Variants in HDAC9 observed in about 807,000 individuals in gnomAD.
HDAC9 encodes histone deacetylase 9.
A neutral mutation model predicts 139.4 loss-of-function variants in HDAC9; 41 were observed. The observed-to-expected ratio is 0.29, with a 90% CI of 0.23 to 0.38. HDAC9 has a LOEUF of 0.38. Among genes scored for constraint, HDAC9 ranks in the 10% least tolerant of loss-of-function variants. The probability of loss-of-function intolerance (pLI) is 1.00; values close to 1 mark genes in which losing one functional copy is unlikely to be tolerated. For missense variants in HDAC9, 1,147 were observed against 1,297.0 expected (o/e 0.88, Z 1.78); for synonymous variants, 517 against 476.2 (o/e 1.09, Z -1.12).
chr7:18,660,873 T>A (rs776418834), intron 11 of HDAC9, among the ~76,000 whole-genome samples: 5 of 152,120 alleles, frequency 3.3e-5, no homozygotes, highest in Non-Finnish European at 5.9e-5. Context: ...AAGTTGGTGG[T>A]GCCAGGTTGT....
At chr7:18,321,741 A>G (rs1284552490) in intron 1 of HDAC9, among the ~76,000 whole-genome samples, 1 of 152,112 alleles carries the variant, frequency 6.6e-6, no homozygotes, top group African/African-American at 2.4e-5. Context: ...CCAAGTTCCA[A>G]TCAAATTGTA....
chr7:18,171,412 C>A (rs1038380483), intron 2 of HDAC9, among the ~76,000 whole-genome samples: 1 of 152,192 alleles, frequency 6.6e-6, no homozygotes, highest in Non-Finnish European at 1.5e-5. Flanking sequence ...TTGACTTCCT[C>A]TTTTCCTAAT....
chr7:18,549,951 T>G (rs1414770200), intron 2 of HDAC9, among the ~76,000 whole-genome samples: 1 of 151,988 alleles, frequency 6.6e-6, no homozygotes, highest in Admixed American at 6.6e-5. Context: ...AGTTCTTTTT[T>G]TTTTGTAGGA....
chr7:18,763,338 A>C (rs776141957), intron 15 of HDAC9, among the ~76,000 whole-genome samples: 1 of 152,368 alleles, frequency 6.6e-6, no homozygotes, highest in Non-Finnish European at 1.5e-5. Context: ...AAGTGCAGGC[A>C]TATGAGTGAG....
intron 1 of HDAC9, among the ~76,000 whole-genome samples, chr7:18,349,786 G>A (rs73074262): frequency 5.7e-4 from 86 of 152,058 alleles, no homozygotes; most frequent in Middle Eastern, 6.8e-3. Flanking sequence ...GTCTTTCTAT[G>A]TAGAATATTT....
chr7:18,131,755 C>G (rs1427604032), intron 1 of HDAC9, among the ~76,000 whole-genome samples: 1 of 152,010 alleles, frequency 6.6e-6, no homozygotes, highest in Non-Finnish European at 1.5e-5. Flanking sequence ...TCAGTGCTAG[C>G]AAAGGGTTTT....
At chr7:18,471,115 G>C (rs1057347720) in intron 1 of HDAC9, among the ~76,000 whole-genome samples, 3 of 151,920 alleles carry the variant, frequency 2.0e-5, no homozygotes, top group Non-Finnish European at 4.4e-5. Context: ...TTTCTGTTGA[G>C]TTAAAGTTCA....
chr7:18,691,333 T>A (rs1782657180), intron 12 of HDAC9, among the ~76,000 whole-genome samples: 1 of 152,084 alleles, frequency 6.6e-6, no homozygotes, highest in African/African-American at 2.4e-5. Context: ...TCCAGAAGTT[T>A]AAATATGTTT....
intron 2 of HDAC9, among the ~76,000 whole-genome samples, chr7:18,194,938 TTGTGTGTGTG>T (rs112692661): frequency 1.3e-5 from 2 of 148,758 alleles, no homozygotes; most frequent in African/African-American, 2.5e-5. Flanking sequence ...CTTTATAGTT[TTGTGTGTGTG>T]TGTGTGTGTG....
At chr7:18,845,865 G>A (rs566105557) in intron 21 of HDAC9, among the ~76,000 whole-genome samples, 2 of 152,126 alleles carry the variant, frequency 1.3e-5, no homozygotes, top group Admixed American at 6.6e-5. Context: ...CTGTGGGTGC[G>A]CATCTGCTCT....
chr7:18,360,499 G>A (rs181115850), intron 1 of HDAC9, among the ~76,000 whole-genome samples: 5 of 152,000 alleles, frequency 3.3e-5, no homozygotes, highest in Admixed American at 2.6e-4. Context: ...ATTTCCAGAG[G>A]CCTCTCCATT....
At chr7:18,571,313 G>C (rs993836832) in intron 2 of HDAC9, among the ~76,000 whole-genome samples, 3 of 152,156 alleles carry the variant, frequency 2.0e-5, no homozygotes, top group Non-Finnish European at 2.9e-5. Flanking sequence ...CCTGTGATTT[G>C]AATTTGGCAA....
intron 12 of HDAC9, among the ~76,000 whole-genome samples, chr7:18,672,455 A>G (rs192434319): frequency 6.6e-6 from 1 of 151,898 alleles, no homozygotes; most frequent in Non-Finnish European, 1.5e-5. Context: ...TGTGTAGTAG[A>G]CCTTTATCGG....
intron 22 of HDAC9, chr7:18,892,008 C>T (rs1356546425): frequency 1.3e-5 from 2 of 152,100 alleles, no homozygotes; most frequent in African/African-American, 4.8e-5. Context: ...ACCAAAGGCA[C>T]AATTACCACT....
chr7:18,195,456 C>T (rs1790657225), intron 2 of HDAC9, among the ~76,000 whole-genome samples: 1 of 152,118 alleles, frequency 6.6e-6, no homozygotes, highest in Non-Finnish European at 1.5e-5. Flanking sequence ...TAAATAAAAA[C>T]ATGAAATAGC....
At chr7:18,347,995 G>A (rs1016689571) in intron 1 of HDAC9, among the ~76,000 whole-genome samples, 1 of 152,152 alleles carries the variant, frequency 6.6e-6, no homozygotes, top group African/African-American at 2.4e-5. Context: ...TTAATTTTAA[G>A]AGAGAAGTAG....
At chr7:18,705,061 A>T (rs115442949) in intron 12 of HDAC9, among the ~76,000 whole-genome samples, 1 of 152,186 alleles carries the variant, frequency 6.6e-6, no homozygotes, top group Non-Finnish European at 1.5e-5. Context: ...ATGATTTTTT[A>T]AATTAAATAT....
At chr7:18,813,284 A>T (rs891134984) in intron 17 of HDAC9, among the ~76,000 whole-genome samples, 1 of 152,124 alleles carries the variant, frequency 6.6e-6, no homozygotes, top group Non-Finnish European at 1.5e-5. Context: ...AATTCTTTTA[A>T]AAGTTTCTTT....
intron 2 of HDAC9, among the ~76,000 whole-genome samples, chr7:18,236,006 A>G (rs1793789891): frequency 6.6e-6 from 1 of 152,242 alleles, no homozygotes; most frequent in Non-Finnish European, 1.5e-5. Flanking sequence ...TGTATGAATC[A>G]TCGTCAAGTT....
Sources: allele counts gnomAD v4.1 joint callset (sites outside exome capture counted in the v4.1 genomes callset), GRCh38; gene constraint gnomAD v4.1.1; transcripts MANE v1.5; gene names NCBI Gene and HGNC (gene_info 2026-07-23, HGNC 2026-07-21).